Variants in CAMKMT observed in about 807,000 individuals in gnomAD.
CAMKMT encodes the protein CaM KMT.
A neutral mutation model predicts 48.0 loss-of-function variants in CAMKMT; 53 were observed. The observed-to-expected ratio is 1.10, with a 90% CI of 0.89 to 1.39. The LOEUF (loss-of-function observed/expected upper bound fraction) is 1.39. Ranked by LOEUF, CAMKMT falls within the 40% of genes most tolerant of loss-of-function variation. The pLI, the probability that CAMKMT is intolerant of heterozygous loss-of-function variation, is 0.00. For missense variants in CAMKMT, 428 were observed against 402.7 expected (o/e 1.06, Z -0.54); for synonymous variants, 165 against 152.3 (o/e 1.08, Z -0.61).
intron 4 of CAMKMT, chr2:44,705,612 C>A: frequency 2.4e-6 from 2 of 839,920 alleles, no homozygotes; most frequent in Non-Finnish European, 2.9e-6. Flanking sequence ...GAAGTCAGAG[C>A]CCAGTCATTA....
At chr2:44,638,424 C>G (rs1463518301) in intron 3 of CAMKMT, among the ~76,000 whole-genome samples, 1 of 152,158 alleles carries the variant, frequency 6.6e-6, no homozygotes, top group East Asian at 1.9e-4. Flanking sequence ...AGGAAAGAAA[C>G]TGAAGTTACC....
At chr2:44,661,287 TAAC>T (rs1489865598) in intron 3 of CAMKMT, among the ~76,000 whole-genome samples, 1 of 149,748 alleles carries the variant, frequency 6.7e-6, no homozygotes, top group Non-Finnish European at 1.5e-5. Context: ...ATTTAGGTAA[TAAC>T]AACAATGGTT....
intron 3 of CAMKMT, among the ~76,000 whole-genome samples, chr2:44,650,479 T>C (rs1300797716): frequency 2.6e-5 from 4 of 152,248 alleles, no homozygotes; most frequent in African/African-American, 9.6e-5. Context: ...CATTGCTTTG[T>C]GCTTAGTATA....
chr2:44,610,653 A>G (rs1202054697), intron 3 of CAMKMT, among the ~76,000 whole-genome samples: 2 of 152,252 alleles, frequency 1.3e-5, no homozygotes, highest in Non-Finnish European at 2.9e-5. Context: ...AATAAGTATC[A>G]GCAGTAAGCC....
chr2:44,672,931 A>G (rs1045091175), intron 3 of CAMKMT, among the ~76,000 whole-genome samples: 1 of 152,214 alleles, frequency 6.6e-6, no homozygotes, highest in African/African-American at 2.4e-5. Flanking sequence ...ATAACTACTA[A>G]TCAAAATAAG....
chr2:44,651,811 T>G (rs1238154104), intron 3 of CAMKMT, among the ~76,000 whole-genome samples: 1 of 152,236 alleles, frequency 6.6e-6, no homozygotes, highest in South Asian at 2.1e-4. Context: ...AAAATCCTCC[T>G]GTACTTTTTG....
At chr2:44,735,297 T>G (rs1679296577) in intron 7 of CAMKMT, among the ~76,000 whole-genome samples, 1 of 152,228 alleles carries the variant, frequency 6.6e-6, no homozygotes, top group Non-Finnish European at 1.5e-5. Flanking sequence ...TTTTGTCCAG[T>G]CTGACACACT....
At chr2:44,470,208 T>C (rs1305302912) in intron 3 of CAMKMT, among the ~76,000 whole-genome samples, 2 of 152,166 alleles carry the variant, frequency 1.3e-5, no homozygotes, top group African/African-American at 4.8e-5. Flanking sequence ...AGTTCTAACA[T>C]TCTCAATTCT....
rs556814504 is a variant in CAMKMT at position 44,673,788 on chromosome 2, A to G, written c.377-30495A>G. Among the ~76,000 whole-genome samples the G allele has an allele frequency of 2.0e-4, 30 of 152,314 alleles. No homozygotes were observed. In the South Asian group the frequency reaches 2.9e-3, roughly 15 times the overall value. ...ACTGGAAAGAGAAGTGAAGATTTCA[A>G]CACTGATGTGAGAAAGTGACAGCAT... On this transcript the variant is annotated intron_variant, in intron 3 of 10. Transcript: ENST00000378494.
At chr2:44,759,350 G>A (rs1680513320) in intron 9 of CAMKMT, among the ~76,000 whole-genome samples, 1 of 152,080 alleles carries the variant, frequency 6.6e-6, no homozygotes, top group South Asian at 2.1e-4. Context: ...TGAACTCCTG[G>A]GCTCAAGCAA....
intron 3 of CAMKMT, among the ~76,000 whole-genome samples, chr2:44,408,708 C>A (rs1236256172): frequency 1.3e-5 from 2 of 151,956 alleles, no homozygotes; most frequent in Non-Finnish European, 2.9e-5. Context: ...TATTCAGAAA[C>A]ATCCAATCAA....
rs547410830 is a variant in CAMKMT, at chr2:44,384,247, T to A, written c.312-5994T>A. Among the ~76,000 whole-genome samples, 4 of 152,350 alleles carry A rather than the reference T, an allele frequency of 2.6e-5. No individual in the cohort carries two copies. The East Asian group carries it at 5.8e-4, about 22-fold the overall frequency. Reference sequence around the variant, plus strand: ...CTAGTGATGTTGAGCATTTTTTTCATATATTTGTTGGCCATTTGTATATCT... The same window carrying A: ...CTAGTGATGTTGAGCATTTTTTTCAAATATTTGTTGGCCATTTGTATATCT... On this transcript the variant is annotated intron_variant, in intron 2 of 10. Coordinates refer to ENST00000378494, the MANE Select transcript of CAMKMT (RefSeq NM_024766.5).
chr2:44,758,015 G>A (rs1680454873), intron 9 of CAMKMT, among the ~76,000 whole-genome samples: 1 of 152,220 alleles, frequency 6.6e-6, no homozygotes, highest in African/African-American at 2.4e-5. Context: ...AACACCTGTA[G>A]CAGGCCCTGT....
intron 3 of CAMKMT, among the ~76,000 whole-genome samples, chr2:44,512,072 G>A (rs190459378): frequency 2.0e-4 from 31 of 152,260 alleles, no homozygotes; most frequent in Non-Finnish European, 2.4e-4. Context: ...TTCCGATTGC[G>A]TCTTCCTTAC....
intron 2 of CAMKMT, among the ~76,000 whole-genome samples, chr2:44,380,675 G>C (rs1680150019): frequency 6.6e-6 from 1 of 152,166 alleles, no homozygotes; most frequent in Non-Finnish European, 1.5e-5. Flanking sequence ...ACTTCTTATA[G>C]TTTTGAAAAT....
At chr2:44,458,425 A>G (rs541714451) in intron 3 of CAMKMT, among the ~76,000 whole-genome samples, 1 of 152,230 alleles carries the variant, frequency 6.6e-6, no homozygotes, top group South Asian at 2.1e-4. Flanking sequence ...AACCTGTGGT[A>G]TATTTCACAC....
At chr2:44,761,436 G>A (rs1330804584) in intron 9 of CAMKMT, among the ~76,000 whole-genome samples, 1 of 152,198 alleles carries the variant, frequency 6.6e-6, no homozygotes, top group East Asian at 1.9e-4. Context: ...TGGGACCTAA[G>A]TCAAGGTTTT....
chr2:44,768,363 T>TATATATATATATATATATATA (rs1558844484), intron 10 of CAMKMT, among the ~76,000 whole-genome samples: 5 of 72,028 alleles, frequency 6.9e-5, no homozygotes, highest in Admixed American at 2.6e-4. Context: ...ATATATATAT[T>TATATATATATATATATATATA]TTTTTTTTTT....
intron 3 of CAMKMT, among the ~76,000 whole-genome samples, chr2:44,641,235 T>C (rs1673435025): frequency 6.6e-6 from 1 of 152,190 alleles, no homozygotes; most frequent in African/African-American, 2.4e-5. Flanking sequence ...TCTATCATGA[T>C]TTCTAATTTT....
Sources: gnomAD v4.1 joint callset for allele counts (sites outside exome capture counted in the v4.1 genomes callset) on GRCh38, gnomAD v4.1.1 for gene constraint, MANE v1.5 for transcripts, NCBI Gene and HGNC (gene_info 2026-07-23, HGNC 2026-07-21) for gene names.